ARHGAP26: variants seen among roughly 807,000 people sequenced by gnomAD.
The protein encoded by ARHGAP26 is Rho GTPase activating protein 26.
A neutral mutation model predicts 104.8 loss-of-function variants in ARHGAP26; 38 were observed. The observed-to-expected ratio is 0.36, with a 90% CI of 0.28 to 0.48. The LOEUF is 0.48. Among genes scored for constraint, ARHGAP26 ranks in the 20% least tolerant of loss-of-function variants. The pLI, the probability that ARHGAP26 is intolerant of heterozygous loss-of-function variation, is 0.99. For missense variants in ARHGAP26, 704 were observed against 947.9 expected, an observed-to-expected ratio of 0.74 and a Z score of 3.38; for synonymous variants, 341 against 340.0, an observed-to-expected ratio of 1.00 and a Z score of -0.03.
intron 10 of ARHGAP26, among the ~76,000 whole-genome samples, chr5:142,916,155 T>G (rs1292225098): frequency 6.6e-6 from 1 of 152,206 alleles, no homozygotes; most frequent in Non-Finnish European, 1.5e-5. Flanking sequence ...ACACAAACAT[T>G]TATGTAGTGA....
intron 20 of ARHGAP26, chr5:143,166,189 G>C: frequency 1.1e-6 from 1 of 921,476 alleles, no homozygotes; most frequent in Non-Finnish European, 1.4e-6. Context: ...ACAACCCCAT[G>C]TACGTAGCTG....
At position 143,007,236 on chromosome 5, in the gene ARHGAP26, A is replaced by T. The variant is rs568443493; in HGVS notation, c.1108-6844A>T. On this transcript the variant is annotated intron_variant, in intron 11 of 22. Transcript: ENST00000645722. The stretch of plus-strand genomic sequence containing the variant: ...AAAAAAGTTCCTAAATTTAGCCTGT[A>T]TTAGTGTTTGCCGAGCATTCTAATG... 2.7e-5 allele frequency among the ~76,000 whole-genome samples: 4 copies of T among 148,828 alleles called. No homozygotes were observed. The South Asian group carries it at 8.5e-4, about 32-fold the overall frequency.
At chr5:143,105,378 AAAATAAATAAATAAATAAAT>A (rs34365485) in intron 17 of ARHGAP26, among the ~76,000 whole-genome samples, 8 of 140,432 alleles carry the variant, frequency 5.7e-5, no homozygotes, top group African/African-American at 7.9e-5. Context: ...CTCCATCTCA[AAAATAAATAAATAAATAAAT>A]AAATAAATAA....
intron 1 of ARHGAP26, among the ~76,000 whole-genome samples, chr5:142,853,171 G>A (rs1416836376): frequency 6.6e-6 from 1 of 152,034 alleles, no homozygotes; most frequent in Admixed American, 6.6e-5. Flanking sequence ...TGGTAGCTTA[G>A]ATTTTATTTT....
chr5:142,916,673 G>A (rs1762528957), intron 10 of ARHGAP26, among the ~76,000 whole-genome samples: 1 of 152,184 alleles, frequency 6.6e-6, no homozygotes, highest in African/African-American at 2.4e-5. Flanking sequence ...ATGCTTACCT[G>A]TATGGAGGAG....
At chr5:142,990,049 T>A (rs1338512214) in intron 11 of ARHGAP26, among the ~76,000 whole-genome samples, 1 of 152,206 alleles carries the variant, frequency 6.6e-6, no homozygotes, top group African/African-American at 2.4e-5. Flanking sequence ...TGCAGAGTGT[T>A]TTCCAGCTTG....
chr5:142,981,434 G>A (rs1308045511), intron 11 of ARHGAP26, among the ~76,000 whole-genome samples: 5 of 152,106 alleles, frequency 3.3e-5, no homozygotes, highest in Non-Finnish European at 5.9e-5. Context: ...ATGCCCTGGT[G>A]GTCTTTCTTG....
At chr5:142,868,860 T>A (rs1264900440) in intron 1 of ARHGAP26, 1 of 152,562 alleles carries the variant, frequency 6.6e-6, no homozygotes, top group Non-Finnish European at 1.5e-5. Flanking sequence ...GGGTCCTCTC[T>A]GGAGACTCTC....
At chr5:142,891,298 C>T (rs1490565485) in intron 5 of ARHGAP26, among the ~76,000 whole-genome samples, 3 of 151,910 alleles carry the variant, frequency 2.0e-5, no homozygotes, top group Non-Finnish European at 4.4e-5. Context: ...TCTCCTTTCC[C>T]TGATTGGAAG....
intron 21 of ARHGAP26, among the ~76,000 whole-genome samples, chr5:143,211,733 A>T (rs1809498340): frequency 6.6e-6 from 1 of 151,296 alleles, no homozygotes; most frequent in Non-Finnish European, 1.5e-5. Context: ...TGCCTGGCTA[A>T]TTTTTTTTAT....
intron 11 of ARHGAP26, among the ~76,000 whole-genome samples, chr5:143,002,010 C>CAT (rs1057290196): frequency 2.2e-4 from 34 of 152,294 alleles, no homozygotes; most frequent in African/African-American, 7.9e-4. Context: ...TGTTGGATAA[C>CAT]ATAACATTCA....
At chr5:142,855,567 G>A (rs1752216412) in intron 1 of ARHGAP26, among the ~76,000 whole-genome samples, 4 of 152,282 alleles carry the variant, frequency 2.6e-5, no homozygotes, top group South Asian at 4.1e-4. Context: ...CCAACCATCT[G>A]TGTGTCCATC....
intron 11 of ARHGAP26, among the ~76,000 whole-genome samples, chr5:143,000,203 C>T (rs1777002883): frequency 1.3e-5 from 2 of 152,150 alleles, no homozygotes; most frequent in Admixed American, 6.5e-5. Context: ...CAACTACTGT[C>T]GACAAAGGCT....
rs370574749 is a variant in ARHGAP26, at chr5:142,889,440, C to T, written c.486+4041C>T. 2.0e-4 allele frequency among the ~76,000 whole-genome samples: 31 copies of T among 152,120 alleles called. No homozygotes were observed. In the East Asian group the frequency reaches 5.6e-3, roughly 28 times the overall value. ...CCAGCCTGGCCAACAAGGCGAAACC[C>T]TGTCTCTAGTGAAAATGCAAAAAAA... On this transcript the variant is annotated intron_variant, in intron 5 of 22. Transcript: ENST00000645722.
intron 20 of ARHGAP26, among the ~76,000 whole-genome samples, chr5:143,185,116 T>G (rs1804947983): frequency 6.6e-6 from 1 of 152,236 alleles, no homozygotes; most frequent in Non-Finnish European, 1.5e-5. Context: ...GAAAATTATA[T>G]TGCTGATAAC....
intron 1 of ARHGAP26, among the ~76,000 whole-genome samples, chr5:142,850,418 C>A (rs1350558088): frequency 4.6e-5 from 7 of 151,996 alleles, no homozygotes. Flanking sequence ...CTTTTTCTTG[C>A]AACCAGCATT....
chr5:142,851,238 A>ACC (rs1751455178), intron 1 of ARHGAP26, among the ~76,000 whole-genome samples: 1 of 152,008 alleles, frequency 6.6e-6, no homozygotes, highest in Non-Finnish European at 1.5e-5. Flanking sequence ...TTGGGATTAC[A>ACC]GATGTGTGCC....
At chr5:143,044,217 T>C (rs1297969658) in intron 14 of ARHGAP26, among the ~76,000 whole-genome samples, 6 of 152,206 alleles carry the variant, frequency 3.9e-5, no homozygotes, top group Non-Finnish European at 7.3e-5. Context: ...TATTTGCTCA[T>C]ATAACTGGTA....
chr5:142,958,273 A>G (rs777954558), intron 11 of ARHGAP26, among the ~76,000 whole-genome samples: 1 of 152,186 alleles, frequency 6.6e-6, no homozygotes, highest in Non-Finnish European at 1.5e-5. Context: ...ATGCCTAAAT[A>G]TTTAGTTAAT....
Sources: allele counts gnomAD v4.1 joint callset (sites outside exome capture counted in the v4.1 genomes callset), GRCh38; gene constraint gnomAD v4.1.1; transcripts MANE v1.5; gene names NCBI Gene and HGNC (gene_info 2026-07-23, HGNC 2026-07-21).